OR2T34: variants seen among roughly 807,000 people sequenced by gnomAD.
OR2T34 encodes olfactory receptor 2T34.
For synonymous variants in OR2T34, 73 were observed against 151.2 expected (o/e 0.48, Z 3.79); for missense variants, 200 against 384.5 (o/e 0.52, Z 4.01).
Position 248,574,188 on chromosome 1 carries a change from CA to C in OR2T34, c.569del (p.Leu190ArgfsTer44), listed in dbSNP as rs1282154830. On this transcript the variant is annotated frameshift_variant, in exon 1 of 1. Coordinates refer to ENST00000328782, the MANE Select transcript of OR2T34 (RefSeq NM_001001821.1). LOFTEE classifies it low-confidence loss of function (END_TRUNC). Reference sequence around the variant, plus strand: ...GGGAGACGTCAGAGCAGGAGAGCTTCAGCAGGGCAGGAGTCTCACAGAAAAA... The same window carrying C: ...GGGAGACGTCAGAGCAGGAGAGCTTCGCAGGGCAGGAGTCTCACAGAAAAA... ...LSFFCETPALLKLSCSDVSLY... is the reference protein window; with the variant it reads ...LSFFCETPALXKLSCSDVSLY... The C allele has an allele frequency of 3.1e-6, 5 of 1,607,398 alleles. No homozygotes were observed. The highest frequency in any genetic ancestry group is 3.4e-6 in the Non-Finnish European group (4 of 1,179,642).
In OR2T34 at chr1:248,574,110, G is replaced by A. The variant is rs1402043187; in HGVS notation, c.648C>T (p.Ile216=). 6.2e-7 allele frequency: 1 copy of A among 1,606,780 alleles called. No homozygotes were observed. The highest frequency in any genetic ancestry group is 8.5e-7 in the Non-Finnish European group (1 of 1,179,736). Reference sequence around the variant, plus strand: ...GGGTGTATGAGCTGGAGATGACCATGATGGGGGTGAGAAGCATGAGGATGC... The same window carrying A: ...GGGTGTATGAGCTGGAGATGACCATAATGGGGGTGAGAAGCATGAGGATGC... The part of the protein sequence containing the change: ...LCCILMLLTP[I]MVISSSYTLI... The change falls in exon 1 of 1, where the codon ATC becomes ATT. Residue 216 remains isoleucine (I), a synonymous_variant. Coordinates refer to ENST00000328782, the MANE Select transcript of OR2T34 (RefSeq NM_001001821.1).
In OR2T34 at chr1:248,574,169, C is replaced by T. The variant is rs755824111; in HGVS notation, c.589G>A (p.Val197Ile). ...TACGTGAGCATCTTATAGAGGGAGA[C>T]GTCAGAGCAGGAGAGCTTCAGCAGG... Reference protein sequence around the residue: ...PALLKLSCSDVSLYKMLTYLC... With the variant: ...PALLKLSCSDISLYKMLTYLC... Residue 197 changes from valine (V) to isoleucine (I), a missense_variant, in exon 1 of 1, where the codon GTC becomes ATC. Coordinates refer to ENST00000328782, the MANE Select transcript of OR2T34 (RefSeq NM_001001821.1). 9.3e-6 allele frequency: 15 copies of T among 1,606,974 alleles called. No homozygotes were observed. The highest frequency in any genetic ancestry group is 4.5e-5 in the East Asian group (2 of 44,882).
At position 248,574,074 on chromosome 1, in the gene OR2T34, A is replaced by G. The variant is rs1659712997; in HGVS notation, c.684T>C (p.His228=). The change falls in exon 1 of 1, where the codon CAT becomes CAC. Residue 228 remains histidine (H), a synonymous_variant. Coordinates refer to ENST00000328782, the MANE Select transcript of OR2T34 (RefSeq NM_001001821.1). ...CGGCAGAATTCATCCTGTGGATGAG[A>G]TGCAGGATGAGGGTGTATGAGCTGG... ...VISSSYTLIL[H]LIHRMNSAAG... is the part of the protein sequence containing the mutation. 1 of 1,606,186 alleles carries G rather than the reference A, an allele frequency of 6.2e-7. No individual in the cohort carries two copies. The highest frequency in any genetic ancestry group is 1.7e-5 in the Admixed American group (1 of 59,774).
chr1:248,574,124 G>A lies in OR2T34; in HGVS notation c.634C>T (p.Leu212Phe), dbSNP rs1274215155. The A allele has an allele frequency of 3.7e-6, 6 of 1,606,848 alleles. No individual in the cohort carries two copies. The African/African-American group carries it at 7.3e-5, about 20-fold the overall frequency. Residue 212 changes from leucine (L) to phenylalanine (F), a missense_variant, in exon 1 of 1, where the codon CTT becomes TTT. Physicochemically the swap from Leu to Phe is conservative, Grantham distance 22. Transcript: ENST00000328782. ...MLTYLCCILM[L>F]LTPIMVISSS... ...GAGATGACCATGATGGGGGTGAGAA[G>A]CATGAGGATGCAGCACAGGTACGTG...
rs150774739 is a variant in OR2T34, at chr1:248,574,127, T to C, written c.631A>G (p.Met211Val). 2 of 1,606,712 alleles carry C rather than the reference T, an allele frequency of 1.2e-6. No individual in the cohort carries two copies. Among genetic ancestry groups the C allele is most frequent in the South Asian group, 1.1e-5 (1 of 91,066 alleles). ...ATGACCATGATGGGGGTGAGAAGCA[T>C]GAGGATGCAGCACAGGTACGTGAGC... ...KMLTYLCCIL[M>V]LLTPIMVISS... The change falls in exon 1 of 1, where the codon ATG (methionine) becomes GTG (valine). Residue 211 changes from methionine to valine, a missense_variant. By Grantham distance (21) the Met-to-Val change is conservative. Transcript: ENST00000328782.
At position 248,574,247 on chromosome 1, in the gene OR2T34, A is replaced by G; in HGVS notation, c.511T>C (p.Phe171Leu). 6.2e-7 allele frequency: 1 copy of G among 1,604,510 alleles called. No individual in the cohort carries two copies. The highest frequency in any genetic ancestry group is 2.2e-5 in the East Asian group (1 of 44,648). ...ATTTTCCTAGACTGGCAAAAGGGGAAGCTCATGGTAATGGGGGTGAGCAAC... is the reference window on the plus strand; with the variant it reads ...ATTTTCCTAGACTGGCAAAAGGGGAGGCTCATGGTAATGGGGGTGAGCAAC... ...GLLLTPITMS[F>L]PFCQSRKILS... The change falls in exon 1 of 1, where the codon TTC (phenylalanine) becomes CTC (leucine). Residue 171 changes from phenylalanine to leucine, a missense_variant. Physicochemically the swap from Phe to Leu is conservative, Grantham distance 22. Coordinates refer to ENST00000328782, the MANE Select transcript of OR2T34 (RefSeq NM_001001821.1).
chr1:248,574,206 A>T lies in OR2T34; in HGVS notation c.552T>A (p.Cys184Ter), dbSNP rs1456032047. ...CQSRKILSFF[C>*]ETPALLKLSC... Reference sequence around the variant, plus strand: ...AGAGCTTCAGCAGGGCAGGAGTCTCACAGAAAAAACTCAGGATTTTCCTAG... The same window carrying T: ...AGAGCTTCAGCAGGGCAGGAGTCTCTCAGAAAAAACTCAGGATTTTCCTAG... The change falls in exon 1 of 1, where the codon TGT (cysteine) becomes TGA (stop). Residue 184 changes from cysteine (C) to a stop codon, truncating the protein, a stop_gained. Transcript: ENST00000328782. LOFTEE classifies it low-confidence loss of function (END_TRUNC). 1.2e-6 allele frequency: 2 copies of T among 1,607,250 alleles called. No homozygotes were observed. Among genetic ancestry groups the T allele is most frequent in the Non-Finnish European group, 1.7e-6 (2 of 1,179,082 alleles).
rs761240439 is a variant in OR2T34 at position 248,574,535 on chromosome 1, C to A, written c.223G>T (p.Asp75Tyr). 9.2e-6 allele frequency: 14 copies of A among 1,526,764 alleles called. No individual in the cohort carries two copies. The highest frequency in any genetic ancestry group is 1.3e-5 in the Non-Finnish European group (14 of 1,113,556). 94.6% of individuals were successfully genotyped at this position (1,526,764 alleles called of 1,614,324 possible). A position where few individuals can be genotyped will look rare whatever the true frequency, so the allele number is the denominator to read the frequency against. ...ACAGTCACGCATAGGTACATGAGAT[C>A]CATGAGCGCGAGCTGGCTGATGAAG... ...YFFISQLALM[D>Y]LMYLCVTVPK... is the part of the protein sequence containing the mutation. Residue 75 changes from aspartate (D) to tyrosine (Y), a missense_variant, in exon 1 of 1, where the codon GAT (aspartate) becomes TAT (tyrosine). Asp to Tyr is a radical substitution (Grantham distance 160). Transcript: ENST00000328782.
chr1:248,574,747 C>T lies in OR2T34; in HGVS notation c.11G>A (p.Gly4Glu). 2 of 1,578,726 alleles carry T rather than the reference C, an allele frequency of 1.3e-6. No individual in the cohort carries two copies. The highest frequency in any genetic ancestry group is 2.2e-5 in the South Asian group (2 of 89,440). ...TGTTTGATTCTGAGAAGTCTGATTC[C>T]CTGAGCACATGACTGGCTCACAGTT... MCS[G>E]NQTSQNQTAS... Residue 4 changes from glycine to glutamate, a missense_variant, in exon 1 of 1, where the codon GGG becomes GAG. Gly to Glu is a moderately conservative substitution (Grantham distance 98). Coordinates refer to ENST00000328782, the MANE Select transcript of OR2T34 (RefSeq NM_001001821.1).
chr1:248,574,477 T>A lies in OR2T34; in HGVS notation c.281A>T (p.Asp94Val). 1 of 1,584,288 alleles carries A rather than the reference T, an allele frequency of 6.3e-7. No individual in the cohort carries two copies. The highest frequency in any genetic ancestry group is 2.2e-5 in the East Asian group (1 of 44,486). The change falls in exon 1 of 1, where the codon GAT (aspartate) becomes GTT (valine). Residue 94 changes from aspartate (D) to valine (V), a missense_variant. Physicochemically the swap from Asp to Val is radical, Grantham distance 152. Transcript: ENST00000328782. The part of the protein sequence containing the change: ...PKMLVGQVTG[D>V]DTISPSGCGI... ...ACAGCCTGACGGGGAAATGGTATCA[T>A]CTCCAGTGACCTGGCCCACAAGCAT...
In OR2T34 at chr1:248,574,714, G is replaced by C. The variant is rs746455431; in HGVS notation, c.44C>G (p.Thr15Ser). 1.3e-6 allele frequency: 2 copies of C among 1,575,432 alleles called. No individual in the cohort carries two copies. Among genetic ancestry groups the C allele is most frequent in the Non-Finnish European group, 1.7e-6 (2 of 1,158,568 alleles). ...AAAGAGTCCCGTGAGGGTGAAATCA[G>C]TGCTTGCTGTTTGATTCTGAGAAGT... ...NQTSQNQTAS[T>S]DFTLTGLFAE... The change falls in exon 1 of 1, where the codon ACT (threonine) becomes AGT (serine). Residue 15 changes from threonine (T) to serine (S), a missense_variant. Coordinates refer to ENST00000328782, the MANE Select transcript of OR2T34 (RefSeq NM_001001821.1).
rs768691722 is a variant in OR2T34, at chr1:248,574,414, G to C, written c.344C>G (p.Ala115Gly). 5 of 1,588,646 alleles carry C rather than the reference G, an allele frequency of 3.1e-6. No individual in the cohort carries two copies. Among genetic ancestry groups the C allele is most frequent in the Non-Finnish European group, 2.6e-6 (3 of 1,162,826 alleles). Residue 115 changes from alanine to glycine, a missense_variant, in exon 1 of 1, where the codon GCT becomes GGT. Coordinates refer to ENST00000328782, the MANE Select transcript of OR2T34 (RefSeq NM_001001821.1). The part of the protein sequence containing the change: ...QMFFHLTLAG[A>G]EVFLLAAMAY... Reference sequence around the variant, plus strand: ...CATGGCAGCCAGGAGGAAAACCTCAGCTCCAGCCAGGGTCAGGTGGAAGAA... The same window carrying C: ...CATGGCAGCCAGGAGGAAAACCTCACCTCCAGCCAGGGTCAGGTGGAAGAA...
At position 248,574,248 on chromosome 1, in the gene OR2T34, G is replaced by A; in HGVS notation, c.510C>T (p.Ser170=). The A allele has an allele frequency of 6.2e-7, 1 of 1,604,580 alleles. No individual in the cohort carries two copies. Among genetic ancestry groups the A allele is most frequent in the Non-Finnish European group, 8.5e-7 (1 of 1,177,190 alleles). Residue 170 remains serine (S), a synonymous_variant, in exon 1 of 1, where the codon AGC becomes AGT. Transcript: ENST00000328782. ...TTTTCCTAGACTGGCAAAAGGGGAA[G>A]CTCATGGTAATGGGGGTGAGCAACA... ...DGLLLTPITM[S]FPFCQSRKIL...
At position 248,574,561 on chromosome 1, in the gene OR2T34, A is replaced by T. The variant is rs1228561239; in HGVS notation, c.197T>A (p.Phe66Tyr). ...CATGAGCGCGAGCTGGCTGATGAAG[A>T]AGTACATGGGGGTGTGGAGGCGGGG... ...SEPRLHTPMY[F>Y]FISQLALMDL... is the part of the protein sequence containing the mutation. The change falls in exon 1 of 1, where the codon TTC becomes TAC. Residue 66 changes from phenylalanine (F) to tyrosine (Y), a missense_variant. Coordinates refer to ENST00000328782, the MANE Select transcript of OR2T34 (RefSeq NM_001001821.1). The T allele has an allele frequency of 1.0e-5, 16 of 1,533,612 alleles. 1 individual carries two copies. The highest frequency in any genetic ancestry group is 1.4e-5 in the Non-Finnish European group (16 of 1,121,250).
chr1:248,573,977 A>G lies in OR2T34; in HGVS notation c.781T>C (p.Phe261Leu), dbSNP rs202022208. 138 of 1,511,274 alleles carry G rather than the reference A, an allele frequency of 9.1e-5. No individual in the cohort carries two copies. The highest frequency in any genetic ancestry group is 1.2e-4 in the Non-Finnish European group (132 of 1,121,548). The allele number at this position is 1,511,274 out of a possible 1,614,324, so 93.6% of individuals were successfully genotyped here. The change falls in exon 1 of 1, where the codon TTC (phenylalanine) becomes CTC (leucine). Residue 261 changes from phenylalanine to leucine, a missense_variant. Phe to Leu is a conservative substitution (Grantham distance 22, BLOSUM62 0). Transcript: ENST00000328782. ...IIVLLLFGASFYTYMLRSSYH... is the reference protein window; with the variant it reads ...IIVLLLFGASLYTYMLRSSYH... Reference sequence around the variant, plus strand: ...GAACTCCGGAGCATGTAGGTGTAGAAGGAAGCACCGAAGAGCAGCAGCACT... The same window carrying G: ...GAACTCCGGAGCATGTAGGTGTAGAGGGAAGCACCGAAGAGCAGCAGCACT...
Position 248,574,461 on chromosome 1 carries a change from C to T in OR2T34, c.297G>A (p.Pro99=), listed in dbSNP as rs144472277. ...AGAACATCTGGATCCCACAGCCTGA[C>T]GGGGAAATGGTATCATCTCCAGTGA... ...GQVTGDDTIS[P]SGCGIQMFFH... The change falls in exon 1 of 1, where the codon CCG becomes CCA. Residue 99 remains proline, a synonymous_variant. Coordinates refer to ENST00000328782, the MANE Select transcript of OR2T34 (RefSeq NM_001001821.1). 212 of 1,586,114 alleles carry T rather than the reference C, an allele frequency of 1.3e-4. 3 individuals carry two copies. The African/African-American group carries it at 2.4e-3, about 18-fold the overall frequency.
chr1:248,574,413 A>C lies in OR2T34; in HGVS notation c.345T>G (p.Ala115=). 1 of 1,588,728 alleles carries C rather than the reference A, an allele frequency of 6.3e-7. No homozygotes were observed. The highest frequency in any genetic ancestry group is 1.1e-5 in the South Asian group (1 of 90,160). Residue 115 remains alanine, a synonymous_variant, in exon 1 of 1, where the codon GCT becomes GCG. Transcript: ENST00000328782. The part of the protein sequence containing the change: ...QMFFHLTLAG[A]EVFLLAAMAY... Reference sequence around the variant, plus strand: ...CCATGGCAGCCAGGAGGAAAACCTCAGCTCCAGCCAGGGTCAGGTGGAAGA... The same window carrying C: ...CCATGGCAGCCAGGAGGAAAACCTCCGCTCCAGCCAGGGTCAGGTGGAAGA...
Position 248,574,013 on chromosome 1 carries a change from G to T in OR2T34, c.745C>A (p.His249Asn). Residue 249 changes from histidine (H) to asparagine (N), a missense_variant, in exon 1 of 1, where the codon CAC becomes AAC. Physicochemically the swap from His to Asn is moderately conservative, Grantham distance 68 (BLOSUM62 1). Transcript: ENST00000328782. ...RRKALATCSS[H>N]MIIVLLLFGA... ...AAGAGCAGCAGCACTATGATCATGTGGGAGGAGCAGGTGGCCAAGGCCTTC... is the reference window on the plus strand; with the variant it reads ...AAGAGCAGCAGCACTATGATCATGTTGGAGGAGCAGGTGGCCAAGGCCTTC... The T allele has an allele frequency of 6.3e-7, 1 of 1,586,078 alleles. No homozygotes were observed. Among genetic ancestry groups the T allele is most frequent in the Non-Finnish European group, 8.5e-7 (1 of 1,171,300 alleles).
rs148163660 is a variant in OR2T34, at chr1:248,574,149, G to A, written c.609C>T (p.Leu203=). ...GCATGAGGATGCAGCACAGGTACGT[G>A]AGCATCTTATAGAGGGAGACGTCAG... ...SCSDVSLYKM[L]TYLCCILMLL... Residue 203 remains leucine (L), a synonymous_variant, in exon 1 of 1, where the codon CTC becomes CTT. Coordinates refer to ENST00000328782, the MANE Select transcript of OR2T34 (RefSeq NM_001001821.1). 2,510 of 1,606,932 alleles carry A rather than the reference G, an allele frequency of 1.6e-3. 18 individuals carry two copies. The highest frequency in any genetic ancestry group is 2.0e-3 in the Non-Finnish European group (2,399 of 1,179,750).
Sources: gnomAD v4.1 joint callset for allele counts on GRCh38, gnomAD v4.1.1 for gene constraint, MANE v1.5 for transcripts, NCBI Gene and HGNC (gene_info 2026-07-23, HGNC 2026-07-21) for gene names.